Variants in DAB1 observed in about 807,000 individuals in gnomAD.
DAB1 encodes DAB adaptor protein 1.
DAB1 carries 15 observed loss-of-function variants against 64.6 expected under a neutral mutation model. That is an observed-to-expected ratio of 0.23 (90% CI 0.16 to 0.36). The LOEUF (loss-of-function observed/expected upper bound fraction) is 0.36. DAB1 is among the 10% of genes least tolerant of loss of function. The pLI is 1.00. For missense variants in DAB1, 596 were observed against 706.7 expected, an observed-to-expected ratio of 0.84 and a Z score of 1.78; for synonymous variants, 235 against 251.9, an observed-to-expected ratio of 0.93 and a Z score of 0.64.
intron 3 of DAB1, among the ~76,000 whole-genome samples, chr1:58,361,052 A>G (rs186907936): frequency 3.0e-4 from 45 of 152,358 alleles, no homozygotes; most frequent in African/African-American, 1.1e-3. Flanking sequence ...AGAAAGTAAC[A>G]TAATGAATGC....
chr1:57,902,156 C>CAA (rs60082541), intron 5 of DAB1, among the ~76,000 whole-genome samples: 239 of 114,438 alleles, frequency 2.1e-3, no homozygotes, highest in African/African-American at 5.7e-3. Flanking sequence ...GATCTTGTCT[C>CAA]AAAAAAAAAA....
intron 3 of DAB1, among the ~76,000 whole-genome samples, chr1:58,486,378 T>C (rs1645576180): frequency 1.3e-5 from 2 of 152,232 alleles, no homozygotes; most frequent in Non-Finnish European, 2.9e-5. Flanking sequence ...ATCTTTATAT[T>C]ACTATTTCCT....
At chr1:57,676,980 A>G (rs1274279360) in intron 6 of DAB1, among the ~76,000 whole-genome samples, 2 of 152,214 alleles carry the variant, frequency 1.3e-5, no homozygotes, top group South Asian at 2.1e-4. Flanking sequence ...CCTAAGCTCC[A>G]TTGTGACTGT....
intron 6 of DAB1, among the ~76,000 whole-genome samples, chr1:57,652,936 C>T (rs1038596837): frequency 2.6e-5 from 4 of 152,174 alleles, no homozygotes; most frequent in African/African-American, 9.7e-5. Context: ...GGCTCTGACT[C>T]ACACAAAGTT....
At chr1:57,438,222 T>TAA (rs5774345) in intron 7 of DAB1, among the ~76,000 whole-genome samples, 1 of 147,348 alleles carries the variant, frequency 6.8e-6, no homozygotes, top group Non-Finnish European at 1.5e-5. Context: ...GATGCAAATG[T>TAA]AAAAAAAAAA....
rs1279573039 is a variant in DAB1, at chr1:58,357,089, C to G, written n.258-13686G>C. ...ATTATATTCTAGATGAAATGTGAAG[C>G]CATGGGAAGATTTTAAGCAGGGAAT... On this transcript the variant is annotated intron_variant and non_coding_transcript_variant, in intron 3 of 20. Transcript: ENST00000485760. 2.7e-5 allele frequency among the ~76,000 whole-genome samples: 4 copies of G among 150,090 alleles called. No homozygotes were observed. In the East Asian group the frequency reaches 7.8e-4, roughly 29 times the overall value.
chr1:57,462,655 T>A (rs962732870), intron 7 of DAB1, among the ~76,000 whole-genome samples: 1 of 152,156 alleles, frequency 6.6e-6, no homozygotes, highest in African/African-American at 2.4e-5. Flanking sequence ...ATTTTTTAAA[T>A]GAAGAAACAG....
At chr1:57,063,250 A>AT (rs1650582213) in intron 8 of DAB1, among the ~76,000 whole-genome samples, 2 of 152,328 alleles carry the variant, frequency 1.3e-5, no homozygotes, top group Non-Finnish European at 2.9e-5. Flanking sequence ...TAAAAAAAAA[A>AT]AATCCTCATT....
rs1553124128 is a variant in DAB1, at chr1:56,997,118, T to TTACCAGAATTG, written c.*1015_*1025dup. On this transcript the variant is annotated 3_prime_UTR_variant, in exon 15 of 15. Coordinates refer to ENST00000371236, the MANE Select transcript of DAB1 (RefSeq NM_001365792.1). ...TTGGTTTTTAAGATCCAAAACCACATTACCAGAATTGTACCAGAATTATTT... is the reference window on the plus strand; with the variant it reads ...TTGGTTTTTAAGATCCAAAACCACATTACCAGAATTGTACCAGAATTGTACCAGAATTATTT... 1 of 152,212 alleles carries TTACCAGAATTG rather than the reference T, an allele frequency of 6.6e-6. No homozygotes were observed. The highest frequency in any genetic ancestry group is 1.5e-5 in the Non-Finnish European group (1 of 68,044). The allele number at this position is 152,212 out of a possible 1,614,324, so 9.4% of individuals were successfully genotyped here.
intron 5 of DAB1, among the ~76,000 whole-genome samples, chr1:58,119,058 T>C (rs1274125673): frequency 1.3e-5 from 2 of 152,154 alleles, no homozygotes; most frequent in Non-Finnish European, 2.9e-5. Context: ...ACTTGTGCAG[T>C]AGATGTTTGC....
intron 2 of DAB1, among the ~76,000 whole-genome samples, chr1:57,158,369 C>T (rs1013303532): frequency 7.2e-5 from 11 of 152,054 alleles, no homozygotes; most frequent in Non-Finnish European, 7.4e-5. Context: ...TGTTCCTTCC[C>T]GAAGGCAATA....
At chr1:57,864,337 C>A (rs558439280) in intron 1 of DAB1, 63 of 152,320 alleles carry the variant, frequency 4.1e-4, no homozygotes, top group African/African-American at 1.4e-3. Context: ...ATTAAAACTT[C>A]TCTATGTACC....
chr1:57,695,858 C>A (rs1353269496), intron 6 of DAB1, among the ~76,000 whole-genome samples: 5 of 152,070 alleles, frequency 3.3e-5, no homozygotes, highest in Non-Finnish European at 7.4e-5. Flanking sequence ...TGAGATGGTG[C>A]CACTGCACTC....
In DAB1 at chr1:58,280,109, C is replaced by T. The variant is rs550314425; in HGVS notation, n.309+63243G>A. On this transcript the variant is annotated intron_variant and non_coding_transcript_variant, in intron 4 of 20. Coordinates refer to the DAB1 transcript ENST00000485760. ...AGTGGGAAGAGAGAGGACATGTCTT[C>T]ATGTAAGGATATCTGCAGTGTGAGC... Among the ~76,000 whole-genome samples, 11 of 152,224 alleles carry T rather than the reference C, an allele frequency of 7.2e-5. No individual in the cohort carries two copies. In the South Asian group the frequency reaches 1.5e-3, roughly 20 times the overall value.
At chr1:58,370,696 C>T (rs1027082356) in intron 3 of DAB1, among the ~76,000 whole-genome samples, 1 of 152,076 alleles carries the variant, frequency 6.6e-6, no homozygotes, top group East Asian at 1.9e-4. Flanking sequence ...AAGGACCTAG[C>T]GTGAGATGAT....
intron 1 of DAB1, among the ~76,000 whole-genome samples, chr1:57,869,607 C>T (rs1414269089): frequency 2.0e-5 from 3 of 152,218 alleles, no homozygotes; most frequent in South Asian, 2.1e-4. Flanking sequence ...GTCAAAGTCA[C>T]GTGCCAGCTA....
intron 7 of DAB1, among the ~76,000 whole-genome samples, chr1:57,643,294 T>C (rs1646153412): frequency 6.6e-6 from 1 of 152,210 alleles, no homozygotes; most frequent in Non-Finnish European, 1.5e-5. Flanking sequence ...TCAGGGGCTC[T>C]TGTCTTTGAA....
intron 7 of DAB1, 79 bp from the exon 8 acceptor site, chr1:57,069,504 A>C (rs1651250733): frequency 3.3e-6 from 4 of 1,211,098 alleles, no homozygotes; most frequent in Non-Finnish European, 3.7e-6. Context: ...AAATTAAGAT[A>C]CAAATCACAG....
At chr1:58,374,523 T>C (rs555504883) in intron 3 of DAB1, among the ~76,000 whole-genome samples, 1 of 151,456 alleles carries the variant, frequency 6.6e-6, no homozygotes, top group Non-Finnish European at 1.5e-5. Context: ...GGCTCTGTTC[T>C]GTTCCATTGA....
Sources: gnomAD v4.1 joint callset for allele counts (sites outside exome capture counted in the v4.1 genomes callset) on GRCh38, gnomAD v4.1.1 for gene constraint, MANE v1.5 for transcripts, NCBI Gene and HGNC (gene_info 2026-07-23, HGNC 2026-07-21) for gene names.